Variants in KIF13B observed in about 807,000 individuals in gnomAD.
KIF13B encodes kinesin family member 13B.
In KIF13B, 127 loss-of-function variants were observed where a neutral mutation model predicts 222.0. That is an observed-to-expected ratio of 0.57 (90% confidence interval 0.50 to 0.66). The LOEUF is 0.66. Among genes scored for constraint, KIF13B ranks in the 30% least tolerant of loss-of-function variants. KIF13B has a pLI of 0.00. For missense variants in KIF13B, 2,173 were observed against 2,379.0 expected (o/e 0.91, Z 1.80); for synonymous variants, 976 against 919.0 (o/e 1.06, Z -1.12).
At chr8:29,116,426 A>G (rs979181696) in intron 31 of KIF13B, among the ~76,000 whole-genome samples, 2 of 152,100 alleles carry the variant, frequency 1.3e-5, no homozygotes, top group African/African-American at 4.8e-5. Context: ...CTATGATCGC[A>G]TCACTGTACT....
chr8:29,140,137 T>A lies in KIF13B; in HGVS notation c.2539A>T (p.Arg847Trp). 1.2e-6 allele frequency: 2 copies of A among 1,613,632 alleles called. No homozygotes were observed. Among genetic ancestry groups the A allele is most frequent in the South Asian group, 1.1e-5 (1 of 90,998 alleles). ...VMRLSGDVGE[R>W]IAGGDEVAEV... is the part of the protein sequence containing the mutation. ...GCCACCTCATCGCCTCCTGCGATCCTCTCCCCAACATCACCACTGAGTCGC... is the reference window on the plus strand; with the variant it reads ...GCCACCTCATCGCCTCCTGCGATCCACTCCCCAACATCACCACTGAGTCGC... Residue 847 changes from arginine to tryptophan, a missense_variant, in exon 21 of 40, where the codon AGG becomes TGG. Around this residue, in one of 2 missense-constraint regions of KIF13B, gnomAD observed 1,480 missense variants for 1,722.8 expected, o/e 0.86. Transcript: ENST00000524189.
intron 2 of KIF13B, among the ~76,000 whole-genome samples, chr8:29,224,745 C>T (rs1012373908): frequency 6.6e-6 from 1 of 152,054 alleles, no homozygotes; most frequent in East Asian, 1.9e-4. Context: ...TATGCTACCT[C>T]ATCCACCCTG....
intron 14 of KIF13B, among the ~76,000 whole-genome samples, chr8:29,153,576 C>G (rs1382175254): frequency 1.3e-5 from 2 of 152,100 alleles, no homozygotes; most frequent in African/African-American, 2.4e-5. Flanking sequence ...ATGCCCCTCT[C>G]CTGCTGAAGG....
chr8:29,238,252 G>A (rs183401093), intron 2 of KIF13B, among the ~76,000 whole-genome samples: 159 of 152,296 alleles, frequency 1.0e-3, no homozygotes, highest in Middle Eastern at 3.4e-3. Context: ...GTCTGAAAAT[G>A]ACTTCATGTA....
At position 29,111,124 on chromosome 8, in the gene KIF13B, T is replaced by C. The variant is rs182064656; in HGVS notation, c.3931-1054A>G. ...AACTTTTGTCTTGTACAGTAATTCATCTGAGCCTTGTAATAACCATGAAAA... is the reference window on the plus strand; with the variant it reads ...AACTTTTGTCTTGTACAGTAATTCACCTGAGCCTTGTAATAACCATGAAAA... On this transcript the variant is annotated intron_variant, in intron 32 of 39. Coordinates refer to ENST00000524189, the MANE Select transcript of KIF13B (RefSeq NM_015254.4). 5.3e-5 allele frequency among the ~76,000 whole-genome samples: 8 copies of C among 152,356 alleles called. No homozygotes were observed. In the East Asian group the frequency reaches 1.2e-3, roughly 22 times the overall value.
chr8:29,126,194 A>C (rs757260562), intron 26 of KIF13B, among the ~76,000 whole-genome samples: 3 of 152,164 alleles, frequency 2.0e-5, no homozygotes, highest in African/African-American at 4.8e-5. Flanking sequence ...CACTCAGGAG[A>C]GAAAATGTCC....
At chr8:29,194,974 A>C (rs902865234) in intron 3 of KIF13B, among the ~76,000 whole-genome samples, 1 of 152,142 alleles carries the variant, frequency 6.6e-6, no homozygotes, top group Non-Finnish European at 1.5e-5. Context: ...AAAGCTGGGC[A>C]CGGTCGCTCA....
chr8:29,231,648 A>G (rs1815289507), intron 2 of KIF13B, among the ~76,000 whole-genome samples: 1 of 152,242 alleles, frequency 6.6e-6, no homozygotes, highest in African/African-American at 2.4e-5. Flanking sequence ...ACAAAATAAT[A>G]AAGAGCAATG....
intron 2 of KIF13B, among the ~76,000 whole-genome samples, chr8:29,228,026 AT>A (rs374931804): frequency 6.6e-6 from 1 of 151,622 alleles, no homozygotes; most frequent in East Asian, 1.9e-4. Flanking sequence ...AACACTGGAA[AT>A]TTTTTTTATA....
Position 29,147,532 on chromosome 8 carries a change from G to T in KIF13B, c.1884C>A (p.Arg628=), listed in dbSNP as rs767118173. ...HEEEKRSALE[R]QRLMYEHELE... is the part of the protein sequence containing the mutation. The stretch of plus-strand genomic sequence containing the variant: ...ATTCGTGCTCATACATAAGCCTCTG[G>T]CGCTCCAGTGCAGATCGTTTTTCTT... Residue 628 remains arginine, a synonymous_variant, in exon 17 of 40, where the codon CGC becomes CGA. Transcript: ENST00000524189. The T allele has an allele frequency of 6.2e-7, 1 of 1,613,740 alleles. No homozygotes were observed. Among genetic ancestry groups the T allele is most frequent in the Non-Finnish European group, 8.5e-7 (1 of 1,179,864 alleles).
intron 38 of KIF13B, 48 bp downstream of exon 38, chr8:29,075,233 A>G: frequency 6.7e-7 from 1 of 1,496,524 alleles, no homozygotes. Context: ...CATCAGGGCC[A>G]CCTGCTCGCT....
At chr8:29,179,037 T>C (rs1812600206) in intron 8 of KIF13B, among the ~76,000 whole-genome samples, 1 of 152,218 alleles carries the variant, frequency 6.6e-6, no homozygotes. Context: ...CAAGTGATTT[T>C]ATAGTACAAT....
At chr8:29,167,687 A>AAC in intron 10 of KIF13B, 102 bp from the exon 11 acceptor site, 1 of 917,562 alleles carries the variant, frequency 1.1e-6, no homozygotes, top group Admixed American at 1.9e-5. Flanking sequence ...CCCCAGGTCA[A>AAC]ACACATTCAA....
chr8:29,092,742 T>C lies in KIF13B; in HGVS notation c.4458+3A>G. ...TCACAGCTGTTTTCTCGGTGCTTTT[T>C]ACCTGGTGTGCGAGGGGAGACGGCC... is the stretch of plus-strand genomic sequence containing the variant. On this transcript the variant is annotated splice_donor_region_variant and intron_variant, in intron 37 of 39. Transcript: ENST00000524189. The C allele has an allele frequency of 6.2e-7, 1 of 1,607,682 alleles. No individual in the cohort carries two copies. Among genetic ancestry groups the C allele is most frequent in the South Asian group, 1.1e-5 (1 of 90,360 alleles).
At chr8:29,204,456 C>T (rs147651395) in intron 2 of KIF13B, among the ~76,000 whole-genome samples, 1,714 of 152,252 alleles carry the variant, frequency 0.011, 34 homozygotes, top group African/African-American at 0.039. Context: ...TGTGGGCCTG[C>T]AGTCCAGCTA....
chr8:29,218,381 G>A (rs945405740), intron 2 of KIF13B, among the ~76,000 whole-genome samples: 3 of 152,156 alleles, frequency 2.0e-5, no homozygotes, highest in South Asian at 2.1e-4. Flanking sequence ...CTTTTCCTAC[G>A]TCTGTTCTCT....
chr8:29,262,969 T>C lies in KIF13B; in HGVS notation c.55+11A>G. On this transcript the variant is annotated intron_variant, in intron 1 of 39. Transcript: ENST00000524189. The stretch of plus-strand genomic sequence containing the variant: ...CTCCGCCCCGGCGGCCCAGGAGGGC[T>C]CGGCTCTCACCTCGCCGGTTCATGG... 6.3e-7 allele frequency: 1 copy of C among 1,582,872 alleles called. No individual in the cohort carries two copies. The highest frequency in any genetic ancestry group is 1.2e-5 in the South Asian group (1 of 86,500).
chr8:29,212,246 T>C (rs1814261017), intron 2 of KIF13B, among the ~76,000 whole-genome samples: 1 of 152,198 alleles, frequency 6.6e-6, no homozygotes, highest in African/African-American at 2.4e-5. Context: ...TACCCAAAAG[T>C]ATATTTAACT....
At chr8:29,089,642 C>A (rs1405936494) in intron 37 of KIF13B, among the ~76,000 whole-genome samples, 1 of 151,972 alleles carries the variant, frequency 6.6e-6, no homozygotes, top group Non-Finnish European at 1.5e-5. Context: ...GCCTATAATC[C>A]CAGCACTTTG....
Sources: gnomAD v4.1 joint callset for allele counts (sites outside exome capture counted in the v4.1 genomes callset) on GRCh38, gnomAD v4.1.1 for gene constraint, gnomAD v4.1.1 regional missense constraint, MANE v1.5 for transcripts, NCBI Gene and HGNC (gene_info 2026-07-23, HGNC 2026-07-21) for gene names.